The following ARL17B variants were observed in gnomAD, a reference collection of about 807,000 sequenced individuals.
ARL17B encodes the protein ARF like GTPase 17B.
Position 46,292,441 on chromosome 17 carries a change from T to C in ARL17B, c.*21+7085A>G, listed in dbSNP as rs2050100658. Reference sequence around the variant, plus strand: ...GAATTTGGAGGATAATTTGTTTCATTCTCAGGAAAATGTGAAACTCTGAAA... The same window carrying C: ...GAATTTGGAGGATAATTTGTTTCATCCTCAGGAAAATGTGAAACTCTGAAA... On this transcript the variant is annotated intron_variant, in intron 4 of 4. Coordinates refer to the ARL17B transcript ENST00000570618. Among the ~76,000 whole-genome samples the C allele has an allele frequency of 3.7e-5, 3 of 81,182 alleles. 1 individual carries two copies. The Admixed American group carries it at 3.8e-4, about 10-fold the overall frequency. The allele number at this position is 81,182 out of a possible 152,430, so 53.3% of individuals were successfully genotyped here.
At chr17:46,288,076 G>A (rs1350431762) in intron 4 of ARL17B, among the ~76,000 whole-genome samples, 11 of 152,124 alleles carry the variant, frequency 7.2e-5, no homozygotes, top group Non-Finnish European at 1.3e-4. Context: ...AATGGAAGTC[G>A]TCCTCAAGCT....
At chr17:46,286,698 G>A (rs1438113085) in intron 4 of ARL17B, among the ~76,000 whole-genome samples, 1 of 152,236 alleles carries the variant, frequency 6.6e-6, no homozygotes, top group African/African-American at 2.4e-5. Flanking sequence ...TATAACAAAT[G>A]TAGAAAAAAT....
In ARL17B at chr17:46,282,129, G is replaced by T. The variant is rs1598069465; in HGVS notation, c.*22-6711C>A. 5.9e-5 allele frequency among the ~76,000 whole-genome samples: 9 copies of T among 152,020 alleles called. No individual in the cohort carries two copies. In the South Asian group the frequency reaches 1.9e-3, roughly 31 times the overall value. ...TGTTTTTGTTTTTTTTTGAGACGGA[G>T]TCTCGCTCTGTCTCCCAGGCTGGAG... On this transcript the variant is annotated intron_variant, in intron 4 of 4. Transcript: ENST00000570618.
At chr17:46,283,219 C>A (rs2049817827) in intron 4 of ARL17B, among the ~76,000 whole-genome samples, 1 of 152,192 alleles carries the variant, frequency 6.6e-6, no homozygotes. Context: ...CCCCACCAGC[C>A]TTGCTAAAAG....
intron 4 of ARL17B, among the ~76,000 whole-genome samples, chr17:46,282,496 C>T (rs2049795826): frequency 6.6e-6 from 1 of 151,122 alleles, no homozygotes; most frequent in African/African-American, 2.4e-5. Context: ...TTCACTGCAG[C>T]CTCAAACTCC....
intron 4 of ARL17B, among the ~76,000 whole-genome samples, chr17:46,282,975 C>T (rs1447871111): frequency 2.0e-5 from 3 of 151,872 alleles, no homozygotes; most frequent in Admixed American, 6.6e-5. Context: ...CAAAATTAGT[C>T]GGGTGTGATG....
chr17:46,352,630 CCAGCCTGGG>C, intron 3 of ARL17B, 181 bp downstream of exon 3: 1 of 178,066 alleles, frequency 5.6e-6, no homozygotes, highest in Admixed American at 1.1e-4. Flanking sequence ...CCACTGCACT[CCAGCCTGGG>C]CAACAGGGCA....
chr17:46,322,560 G>GTTGAC (rs1173642866), intron 3 of ARL17B, among the ~76,000 whole-genome samples: 1 of 88,596 alleles, frequency 1.1e-5, no homozygotes, highest in Non-Finnish European at 2.7e-5. Flanking sequence ...GATGTATAAT[G>GTTGAC]GTCAAGACAG....
intron 4 of ARL17B, among the ~76,000 whole-genome samples, chr17:46,283,907 G>A (rs1173523955): frequency 6.6e-6 from 1 of 152,214 alleles, no homozygotes; most frequent in African/African-American, 2.4e-5. Context: ...ACAAGGTAAA[G>A]AATTAAGTGC....
intron 4 of ARL17B, among the ~76,000 whole-genome samples, chr17:46,291,156 A>C (rs1012883835): frequency 1.3e-5 from 2 of 152,260 alleles, no homozygotes; most frequent in African/African-American, 4.8e-5. Context: ...GGTTAGAAAG[A>C]AAACCTTGAG....
rs865987997 is a variant in ARL17B at position 46,340,532 on chromosome 17, G to T, written c.260-758C>A. Among the ~76,000 whole-genome samples the T allele has an allele frequency of 2.2e-3, 144 of 64,584 alleles. 1 individual carries two copies. The highest frequency in any genetic ancestry group is 0.015 in the Middle Eastern group (1 of 66). 42.4% of individuals were successfully genotyped at this position (64,584 alleles called of 152,430 possible). A position where few individuals can be genotyped will look rare whatever the true frequency, so the allele number is the denominator to read the frequency against. ...CGCCTGGCTTGTTTTGGGTTTTGGG[G>T]TTTTTTTTGTGTTTTGTTTGTTTGT... On this transcript the variant is annotated intron_variant, in intron 3 of 3. Transcript: ENST00000450673.
At chr17:46,309,368 G>A (rs1178578017) in intron 3 of ARL17B, 1 of 7,354 alleles carries the variant, frequency 1.4e-4, no homozygotes, top group Admixed American at 1.7e-3. Context: ...TGTTAAGTAT[G>A]TTTATATTTT....
At chr17:46,282,178 CT>C (rs200565071) in intron 4 of ARL17B, among the ~76,000 whole-genome samples, 2,295 of 152,218 alleles carry the variant, frequency 0.015, 59 homozygotes, top group African/African-American at 0.049. Flanking sequence ...TCTCGGCTCA[CT>C]GCAAGCTCTG....
intron 4 of ARL17B, among the ~76,000 whole-genome samples, chr17:46,276,446 G>A (rs187710556): frequency 6.6e-6 from 1 of 152,282 alleles, no homozygotes; most frequent in Admixed American, 6.5e-5. Flanking sequence ...TAATCACAAG[G>A]TACAATAAAA....
At chr17:46,279,463 C>T (rs1360560645) in intron 4 of ARL17B, among the ~76,000 whole-genome samples, 1 of 151,224 alleles carries the variant, frequency 6.6e-6, no homozygotes, top group Non-Finnish European at 1.5e-5. Flanking sequence ...GGATTACAGG[C>T]ATGAGCCACC....
At chr17:46,282,425 T>G (rs1031490011) in intron 4 of ARL17B, among the ~76,000 whole-genome samples, 1 of 151,552 alleles carries the variant, frequency 6.6e-6, no homozygotes, top group African/African-American at 2.4e-5. Flanking sequence ...TTGTTTTTTT[T>G]TTTTAAACAG....
chr17:46,324,544 C>A (rs1396482133), intron 3 of ARL17B, among the ~76,000 whole-genome samples: 6 of 69,876 alleles, frequency 8.6e-5, no homozygotes, highest in African/African-American at 1.8e-4. Context: ...GAAATGAGGT[C>A]TCAGTATGTT....
chr17:46,274,666 A>G (rs1457645935), downstream of ARL17B: 6 of 152,680 alleles, frequency 3.9e-5, no homozygotes, highest in African/African-American at 1.2e-4. Context: ...CAATAAATAA[A>G]TACAGTCAAA....
chr17:46,286,563 C>T (rs2696500), intron 4 of ARL17B, among the ~76,000 whole-genome samples: 21,670 of 151,538 alleles, frequency 0.14, 1,929 homozygotes, highest in Middle Eastern at 0.22. Context: ...AGAATCAAAT[C>T]TACCATTAAA....
Sources: gnomAD v4.1 joint callset for allele counts (sites outside exome capture counted in the v4.1 genomes callset) on GRCh38, gnomAD v4.1.1 for gene constraint, MANE v1.5 for transcripts, NCBI Gene and HGNC (gene_info 2026-07-23, HGNC 2026-07-21) for gene names.